KCND2: variants seen among roughly 807,000 people sequenced by gnomAD.
KCND2 encodes A-type voltage-gated potassium channel KCND2.
In KCND2, 16 loss-of-function variants were observed where a neutral mutation model predicts 54.4. The observed-to-expected ratio is 0.29, with a 90% CI of 0.20 to 0.45. The LOEUF (loss-of-function observed/expected upper bound fraction) is 0.45, where lower values mean the gene tolerates loss of function less well. Ranked by LOEUF, KCND2 falls within the 20% of genes least tolerant of loss-of-function variation. KCND2 has a pLI of 1.00. For missense variants in KCND2, 486 were observed against 824.2 expected, an observed-to-expected ratio of 0.59 and a Z score of 5.02; for synonymous variants, 317 against 310.7, an observed-to-expected ratio of 1.02 and a Z score of -0.21.
chr7:120,403,379 C>T (rs1408660716), intron 1 of KCND2, among the ~76,000 whole-genome samples: 2 of 150,698 alleles, frequency 1.3e-5, no homozygotes, highest in Middle Eastern at 3.4e-3. Context: ...TAAAGTGGTG[C>T]GATCATGGCT....
intron 1 of KCND2, among the ~76,000 whole-genome samples, chr7:120,444,368 C>A (rs1319948950): frequency 6.6e-6 from 1 of 152,126 alleles, no homozygotes; most frequent in African/African-American, 2.4e-5. Context: ...TTCTGAGGTA[C>A]AAAGCACCCT....
chr7:120,550,107 A>G (rs560574396), intron 1 of KCND2, among the ~76,000 whole-genome samples: 4 of 152,024 alleles, frequency 2.6e-5, no homozygotes, highest in East Asian at 1.9e-4. Flanking sequence ...AGCACTCATC[A>G]TCTCACCACC....
At chr7:120,280,797 A>G (rs746718647) in intron 1 of KCND2, among the ~76,000 whole-genome samples, 1 of 152,062 alleles carries the variant, frequency 6.6e-6, no homozygotes, top group East Asian at 1.9e-4. Flanking sequence ...CTAAAACATT[A>G]TCTAGAAATG....
At chr7:120,654,777 T>C (rs1217313802) in intron 1 of KCND2, among the ~76,000 whole-genome samples, 1 of 152,092 alleles carries the variant, frequency 6.6e-6, no homozygotes, top group Non-Finnish European at 1.5e-5. Flanking sequence ...TACATAATCA[T>C]TAGTGGATGG....
intron 1 of KCND2, among the ~76,000 whole-genome samples, chr7:120,591,403 A>G (rs2116458359): frequency 6.6e-6 from 1 of 152,314 alleles, no homozygotes; most frequent in South Asian, 2.1e-4. Flanking sequence ...CTCTAGTCCA[A>G]GCTCTGCAGA....
chr7:120,679,778 T>G (rs1419826618), intron 1 of KCND2, among the ~76,000 whole-genome samples: 2 of 152,098 alleles, frequency 1.3e-5, no homozygotes, highest in Non-Finnish European at 2.9e-5. Context: ...TCTGTTCCCT[T>G]TAGTCATGAA....
At chr7:120,640,222 TG>T (rs1210154190) in intron 1 of KCND2, among the ~76,000 whole-genome samples, 1 of 152,164 alleles carries the variant, frequency 6.6e-6, no homozygotes, top group African/African-American at 2.4e-5. Flanking sequence ...AATGAAATGT[TG>T]GCACCACCAC....
chr7:120,388,794 C>T (rs1218810423), intron 1 of KCND2, among the ~76,000 whole-genome samples: 1 of 151,478 alleles, frequency 6.6e-6, no homozygotes, highest in Non-Finnish European at 1.5e-5. Flanking sequence ...TAATATAATC[C>T]TGCTGTGGAT....
At chr7:120,474,399 G>A (rs1213382389) in intron 1 of KCND2, among the ~76,000 whole-genome samples, 1 of 152,012 alleles carries the variant, frequency 6.6e-6, no homozygotes, top group Admixed American at 6.6e-5. Flanking sequence ...GTGCAGTGGT[G>A]CGATCTCGGC....
At chr7:120,727,030 T>C (rs930431885) in intron 1 of KCND2, among the ~76,000 whole-genome samples, 2 of 152,206 alleles carry the variant, frequency 1.3e-5, no homozygotes, top group East Asian at 3.8e-4. Context: ...TTAGTGTGTG[T>C]GGGACATACT....
chr7:120,294,210 A>G (rs1799476358), intron 1 of KCND2, among the ~76,000 whole-genome samples: 1 of 152,034 alleles, frequency 6.6e-6, no homozygotes, highest in South Asian at 2.1e-4. Context: ...GAAGTTGTCC[A>G]AGCATCATTG....
intron 1 of KCND2, among the ~76,000 whole-genome samples, chr7:120,704,336 T>C (rs1206796002): frequency 1.3e-5 from 2 of 152,136 alleles, no homozygotes; most frequent in Non-Finnish European, 2.9e-5. Flanking sequence ...GATGGTAAAA[T>C]TTTCAGGTTT....
intron 1 of KCND2, among the ~76,000 whole-genome samples, chr7:120,602,844 C>G (rs1792831827): frequency 6.6e-6 from 1 of 152,136 alleles, no homozygotes; most frequent in African/African-American, 2.4e-5. Context: ...AATAAAGACT[C>G]ACATACAGAA....
At chr7:120,649,131 A>C (rs1791689443) in intron 1 of KCND2, among the ~76,000 whole-genome samples, 1 of 152,108 alleles carries the variant, frequency 6.6e-6, no homozygotes, top group South Asian at 2.1e-4. Context: ...GAGATAACTA[A>C]TTATTGGCAG....
intron 1 of KCND2, among the ~76,000 whole-genome samples, chr7:120,387,678 A>T (rs796191882): frequency 5.3e-5 from 8 of 152,126 alleles, no homozygotes; most frequent in African/African-American, 1.9e-4. Flanking sequence ...TGATTTGCAG[A>T]ATGTTGGACT....
chr7:120,742,943 GA>G (rs1324659721), intron 4 of KCND2, among the ~76,000 whole-genome samples: 1 of 152,122 alleles, frequency 6.6e-6, no homozygotes, highest in South Asian at 2.1e-4. Flanking sequence ...GAATTAGACA[GA>G]AAAAAATTAA....
At chr7:120,345,664 A>T (rs1800306505) in intron 1 of KCND2, among the ~76,000 whole-genome samples, 1 of 152,206 alleles carries the variant, frequency 6.6e-6, no homozygotes, top group Admixed American at 6.5e-5. Flanking sequence ...CTCAAGGATT[A>T]TTCTTGTTGT....
intron 1 of KCND2, among the ~76,000 whole-genome samples, chr7:120,437,720 G>C (rs1801889949): frequency 6.6e-6 from 1 of 152,060 alleles, no homozygotes; most frequent in South Asian, 2.1e-4. Context: ...TTCCATACTG[G>C]ATACTGACTG....
intron 1 of KCND2, among the ~76,000 whole-genome samples, chr7:120,444,159 C>T (rs1801986186): frequency 6.6e-6 from 1 of 152,102 alleles, no homozygotes; most frequent in Admixed American, 6.6e-5. Flanking sequence ...TACCACATAT[C>T]AGGCATTCTT....
Sources: gnomAD v4.1 joint callset for allele counts (sites outside exome capture counted in the v4.1 genomes callset) on GRCh38, gnomAD v4.1.1 for gene constraint, MANE v1.5 for transcripts, NCBI Gene and HGNC (gene_info 2026-07-23, HGNC 2026-07-21) for gene names.